The following BICRA variants were observed in gnomAD, a reference collection of about 807,000 sequenced individuals.
The protein encoded by BICRA is BRD4-interacting chromatin-remodeling complex-associated protein.
In BICRA, 31 loss-of-function variants were observed where a neutral mutation model predicts 96.9. That is an observed-to-expected ratio of 0.32 (90% CI 0.24 to 0.43). The LOEUF (loss-of-function observed/expected upper bound fraction) is 0.43, where lower values mean the gene tolerates loss of function less well. BICRA is among the 20% of genes least tolerant of loss of function. The probability of loss-of-function intolerance (pLI) is 1.00; values close to 1 mark genes in which losing one functional copy is unlikely to be tolerated. For missense variants in BICRA, 2,283 were observed against 2,190.3 expected, an observed-to-expected ratio of 1.04 and a Z score of -0.84; for synonymous variants, 1,350 against 1,071.8, an observed-to-expected ratio of 1.26 and a Z score of -5.07.
At chr19:47,632,374 G>T (rs1457977418) in intron 1 of BICRA, among the ~76,000 whole-genome samples, 1 of 152,212 alleles carries the variant, frequency 6.6e-6, no homozygotes, top group Non-Finnish European at 1.5e-5. Flanking sequence ...TCAGCCTGGG[G>T]CTGGCTGCTT....
intron 1 of BICRA, among the ~76,000 whole-genome samples, chr19:47,625,177 T>C (rs1443021683): frequency 1.3e-5 from 2 of 151,756 alleles, no homozygotes; most frequent in Non-Finnish European, 2.9e-5. Flanking sequence ...TTTTTGTATT[T>C]TTAGTAGAGA....
rs191214399 is a variant in BICRA, at chr19:47,681,647, C to T, written c.2107-329C>T. On this transcript the variant is annotated intron_variant, in intron 6 of 14. Coordinates refer to ENST00000594866, the MANE Select transcript of BICRA (RefSeq NM_001394372.1). ...ACCGGCAGGGAGAGGGACTACCCGA[C>T]GGACAGAGAAGGGCAGGCACTGGCT... 2.1e-3 allele frequency among the ~76,000 whole-genome samples: 318 copies of T among 151,868 alleles called. 1 individual carries two copies. Among genetic ancestry groups the T allele is most frequent in the African/African-American group, 7.5e-3 (309 of 41,422 alleles).
chr19:47,681,362 A>C, intron 6 of BICRA, 86 bp downstream of exon 6: 1 of 1,216,992 alleles, frequency 8.2e-7, no homozygotes, highest in Non-Finnish European at 1.1e-6. Context: ...CCAAGATCCA[A>C]AAGTGGATGC....
At chr19:47,655,617 C>T (rs890399738) in intron 1 of BICRA, among the ~76,000 whole-genome samples, 2 of 151,002 alleles carry the variant, frequency 1.3e-5, no homozygotes, top group Admixed American at 1.3e-4. Flanking sequence ...CTTTGGGAGG[C>T]TGAGGCGGGT....
chr19:47,646,961 C>T (rs74254176), intron 1 of BICRA, among the ~76,000 whole-genome samples: 2 of 152,180 alleles, frequency 1.3e-5, no homozygotes, highest in Admixed American at 6.5e-5. Context: ...CCTTCTCCCC[C>T]TCCCAGCCTC....
intron 7 of BICRA, 32 bp from the exon 8 acceptor site, chr19:47,694,083 G>GCCCCCCCCCCCCCC: frequency 9.1e-7 from 1 of 1,093,876 alleles, no homozygotes; most frequent in Non-Finnish European, 1.2e-6. Flanking sequence ...TCTGACCCCC[G>GCCCCCCCCCCCCCC]CCCCTCCCCT....
chr19:47,676,977 G>A (rs780072837), intron 5 of BICRA, among the ~76,000 whole-genome samples: 3 of 152,108 alleles, frequency 2.0e-5, no homozygotes, highest in Non-Finnish European at 4.4e-5. Flanking sequence ...AGAGCTCAGG[G>A]GGTTACAGTG....
At chr19:47,622,149 TAG>T (rs1307348248) in intron 1 of BICRA, among the ~76,000 whole-genome samples, 1 of 151,774 alleles carries the variant, frequency 6.6e-6, no homozygotes, top group Non-Finnish European at 1.5e-5. Context: ...GTATTTTTAG[TAG>T]AGACAGGTTT....
At chr19:47,643,178 C>T (rs140818163) in intron 1 of BICRA, among the ~76,000 whole-genome samples, 120 of 152,324 alleles carry the variant, frequency 7.9e-4, no homozygotes, top group African/African-American at 2.8e-3. Context: ...CCATGTTGGC[C>T]GAGCTGGTCT....
Position 47,701,440 on chromosome 19 carries a change from C to T in BICRA, c.3708C>T (p.Thr1236=). The change falls in exon 15 of 15, where the codon ACC becomes ACT. Residue 1236 remains threonine (T), a synonymous_variant. Coordinates refer to ENST00000594866, the MANE Select transcript of BICRA (RefSeq NM_001394372.1). The surrounding 1 kb of genome is among the most constrained non-coding windows in gnomAD (Gnocchi z 5.4). ...CGTCTTCAGCTCCCGGGGCCTCCAC[C>T]CAGCCCCCTCCACACCTGCCCACCA... ...PLSSSAPGAS[T]QPPPHLPTKL... is the part of the protein sequence containing the mutation. 6.4e-7 allele frequency: 1 copy of T among 1,572,080 alleles called. No homozygotes were observed. Among genetic ancestry groups the T allele is most frequent in the Admixed American group, 1.9e-5 (1 of 53,182 alleles).
At chr19:47,679,067 A>G (rs567581918) in intron 5 of BICRA, 1 of 338,406 alleles carries the variant, frequency 3.0e-6, no homozygotes, top group Non-Finnish European at 5.3e-6. Context: ...CCCCTGACTA[A>G]TTTTTCTTTT....
rs747448573 is a variant in BICRA at position 47,695,051 on chromosome 19, C to T, written c.3047C>T (p.Ala1016Val). The T allele has an allele frequency of 1.3e-6, 2 of 1,498,456 alleles. No individual in the cohort carries two copies. The highest frequency in any genetic ancestry group is 2.5e-5 in the South Asian group (2 of 78,814). 92.8% of individuals were successfully genotyped at this position (1,498,456 alleles called of 1,614,324 possible). Residue 1016 changes from alanine to valine, a missense_variant, in exon 9 of 15, where the codon GCC (alanine) becomes GTC (valine). Ala to Val is a moderately conservative substitution (Grantham distance 64). Transcript: ENST00000594866. ...PSGTPTAPSHAPAPAPMAATG... is the reference protein window; with the variant it reads ...PSGTPTAPSHVPAPAPMAATG... The stretch of plus-strand genomic sequence containing the variant: ...GGGACCCCCACTGCCCCCAGCCACG[C>T]CCCCGCCCCGGCACCCATGGCCGCC...
intron 1 of BICRA, among the ~76,000 whole-genome samples, chr19:47,652,594 T>G (rs1305783346): frequency 6.6e-6 from 1 of 152,214 alleles, no homozygotes; most frequent in African/African-American, 2.4e-5. Context: ...TTGCTTCCTC[T>G]TACTACTCGT....
intron 1 of BICRA, among the ~76,000 whole-genome samples, chr19:47,634,189 G>A (rs1972264643): frequency 6.6e-6 from 1 of 152,252 alleles, no homozygotes; most frequent in South Asian, 2.1e-4. Context: ...GGGCTCTGCA[G>A]GGTGGGCGGG....
intron 1 of BICRA, among the ~76,000 whole-genome samples, chr19:47,655,891 G>T (rs561133655): frequency 4.0e-5 from 6 of 150,760 alleles, no homozygotes; most frequent in African/African-American, 1.2e-4. Context: ...AAATAAAAAC[G>T]TCCCCAGTTT....
intron 6 of BICRA, 51 bp from the exon 7 acceptor site, chr19:47,681,925 C>A: frequency 7.6e-7 from 1 of 1,316,554 alleles, no homozygotes; most frequent in Non-Finnish European, 1.0e-6. Context: ...GTGGGGAGGT[C>A]GAGGGCCTGT....
At chr19:47,669,407 G>A (rs1309343582) in intron 1 of BICRA, among the ~76,000 whole-genome samples, 37 of 152,098 alleles carry the variant, frequency 2.4e-4, no homozygotes, top group Admixed American at 2.4e-3. Flanking sequence ...TTTTCCCCAG[G>A]AGTGGCAGCT....
At chr19:47,608,799 G>T (rs1369421022), upstream of BICRA, among the ~76,000 whole-genome samples, 2 of 151,536 alleles carry the variant, frequency 1.3e-5, no homozygotes, top group Non-Finnish European at 2.9e-5. Context: ...GCGGGGCGGG[G>T]ATTCCTGAAG....
At chr19:47,640,335 C>T (rs761848731) in intron 1 of BICRA, among the ~76,000 whole-genome samples, 3 of 151,892 alleles carry the variant, frequency 2.0e-5, no homozygotes, top group East Asian at 1.9e-4. Flanking sequence ...AGTTCGAGAC[C>T]GGCCTGGCCA....
Sources: gnomAD v4.1 joint callset for allele counts (sites outside exome capture counted in the v4.1 genomes callset) on GRCh38, gnomAD v4.1.1 for gene constraint, Gnocchi (gnomAD v3.1) non-coding constraint, MANE v1.5 for transcripts, NCBI Gene and HGNC (gene_info 2026-07-23, HGNC 2026-07-21) for gene names.